The following CSRP3 variants were observed in gnomAD, a reference collection of about 807,000 sequenced individuals.
The protein encoded by CSRP3 is cysteine and glycine rich protein 3.
CSRP3 carries 24 observed loss-of-function variants against 24.3 expected under a neutral mutation model. The ratio of observed to expected loss-of-function variants is 0.99; its 90% CI spans 0.71 to 1.39. CSRP3 has a LOEUF of 1.39. Among genes scored for constraint, CSRP3 ranks in the 40% most tolerant of loss-of-function variants. The pLI is 0.00. For missense variants in CSRP3, 240 were observed against 249.0 expected, an observed-to-expected ratio of 0.96 and a Z score of 0.24; for synonymous variants, 105 against 94.0, an observed-to-expected ratio of 1.12 and a Z score of -0.68.
chr11:19,188,321 G>A lies in CSRP3; in HGVS notation c.113-17C>T, dbSNP rs1188178778. On this transcript the variant is annotated splice_polypyrimidine_tract_variant and intron_variant, in intron 2 of 5. Coordinates refer to ENST00000265968, the MANE Select transcript of CSRP3 (RefSeq NM_003476.5). ...TGCAGGCCACTGCCAGGAAAAGGAA[G>A]GGTCATGGGATTGGAATTGAAATCC... 3.1e-6 allele frequency: 5 copies of A among 1,611,586 alleles called. No homozygotes were observed. Among genetic ancestry groups the A allele is most frequent in the South Asian group, 1.1e-5 (1 of 91,000 alleles).
intron 4 of CSRP3, among the ~76,000 whole-genome samples, chr11:19,185,966 G>C (rs1850518423): frequency 1.3e-5 from 2 of 152,120 alleles, no homozygotes; most frequent in South Asian, 4.1e-4. Context: ...AGAACTTTCA[G>C]CTGGGTGCCT....
At chr11:19,185,542 G>A (rs1272589617) in intron 4 of CSRP3, among the ~76,000 whole-genome samples, 1 of 152,226 alleles carries the variant, frequency 6.6e-6, no homozygotes, top group Non-Finnish European at 1.5e-5. Context: ...ACATCTGCGT[G>A]TCTACCAGGT....
intron 3 of CSRP3, among the ~76,000 whole-genome samples, chr11:19,187,204 A>G (rs1850540812): frequency 6.6e-6 from 1 of 152,262 alleles, no homozygotes; most frequent in African/African-American, 2.4e-5. Flanking sequence ...AAGAGTCTCC[A>G]TTTGAGATTG....
At chr11:19,199,591 T>C (rs1207723271) in intron 1 of CSRP3, among the ~76,000 whole-genome samples, 1 of 152,252 alleles carries the variant, frequency 6.6e-6, no homozygotes, top group Non-Finnish European at 1.5e-5. Context: ...AGCCATGTGA[T>C]GCTGGGCAAT....
At chr11:19,199,508 A>G (rs2133527750) in intron 1 of CSRP3, among the ~76,000 whole-genome samples, 1 of 152,248 alleles carries the variant, frequency 6.6e-6, no homozygotes, top group African/African-American at 2.4e-5. Flanking sequence ...TCTTTGTTCT[A>G]TTTTGACCTC....
chr11:19,196,132 A>G (rs1230326109), intron 1 of CSRP3, among the ~76,000 whole-genome samples: 1 of 152,134 alleles, frequency 6.6e-6, no homozygotes, highest in African/African-American at 2.4e-5. Context: ...GCGTGGTGGC[A>G]TGCACCTGTA....
rs1850562691 is a variant in CSRP3, at chr11:19,188,306, T to C, written c.113-2A>G. On this transcript the variant is annotated splice_acceptor_variant, in intron 2 of 5. Coordinates refer to ENST00000265968, the MANE Select transcript of CSRP3 (RefSeq NM_003476.5). LOFTEE classifies it high-confidence loss of function. ...TGTCAAGAGCCTTCCTGCAGGCCAC[T>C]GCCAGGAAAAGGAAGGGTCATGGGA... is the stretch of plus-strand genomic sequence containing the variant. 3 of 1,612,206 alleles carry C rather than the reference T, an allele frequency of 1.9e-6. No individual in the cohort carries two copies. Among genetic ancestry groups the C allele is most frequent in the Non-Finnish European group, 2.5e-6 (3 of 1,180,008 alleles).
In CSRP3 at chr11:19,182,255, T is replaced by C. The variant is rs180844111; in HGVS notation, c.*415A>G. On this transcript the variant is annotated 3_prime_UTR_variant, in exon 6 of 6. Coordinates refer to ENST00000265968, the MANE Select transcript of CSRP3 (RefSeq NM_003476.5). Reference sequence around the variant, plus strand: ...ACTAGAAAGACACTTGGCTGACAGATTCTGAAAGACTGCTTTCCTTTGCGC... The same window carrying C: ...ACTAGAAAGACACTTGGCTGACAGACTCTGAAAGACTGCTTTCCTTTGCGC... 4.0e-4 allele frequency: 71 copies of C among 179,372 alleles called. 1 individual carries two copies. Among genetic ancestry groups the C allele is most frequent in the Admixed American group, 3.7e-3 (67 of 18,354 alleles). The allele number at this position is 179,372 out of a possible 1,614,324, so 11.1% of individuals were successfully genotyped here.
At chr11:19,185,137 G>T in intron 4 of CSRP3, 92 bp from the exon 5 acceptor site, 1 of 948,040 alleles carries the variant, frequency 1.1e-6, no homozygotes, top group Non-Finnish European at 1.7e-6. Context: ...CCAGAGGAGT[G>T]ACACGTCTTA....
intron 2 of CSRP3, among the ~76,000 whole-genome samples, chr11:19,188,613 A>AGTGT (rs138192808): frequency 0.1 from 14,653 of 140,750 alleles, 655 homozygotes; most frequent in African/African-American, 0.13. Context: ...ACATCAGGGA[A>AGTGT]GTGTGTGTGT....
intron 1 of CSRP3, among the ~76,000 whole-genome samples, chr11:19,197,709 C>T (rs941133726): frequency 2.0e-5 from 3 of 151,670 alleles, no homozygotes; most frequent in African/African-American, 7.3e-5. Context: ...TGCCACAATG[C>T]CACCGTTTTC....
At chr11:19,195,222 A>T (rs1042102812) in intron 1 of CSRP3, among the ~76,000 whole-genome samples, 1 of 152,044 alleles carries the variant, frequency 6.6e-6, no homozygotes, top group Non-Finnish European at 1.5e-5. Flanking sequence ...GTAGAGGCCT[A>T]AATAGCCTCT....
At position 19,188,225 on chromosome 11, in the gene CSRP3, G is replaced by T; in HGVS notation, c.192C>A (p.Arg64=). 1 of 1,613,592 alleles carries T rather than the reference G, an allele frequency of 6.2e-7. No homozygotes were observed. The highest frequency in any genetic ancestry group is 8.5e-7 in the Non-Finnish European group (1 of 1,180,030). ...ACCCGATCCCTTTGGGGCCATATCTGCGCCCATAGCACACCTTGCAGTAGA... is the reference window on the plus strand; with the variant it reads ...ACCCGATCCCTTTGGGGCCATATCTTCGCCCATAGCACACCTTGCAGTAGA... The part of the protein sequence containing the change: ...SEIYCKVCYG[R]RYGPKGIGYG... Residue 64 remains arginine, a synonymous_variant, in exon 3 of 6, where the codon CGC becomes CGA. Transcript: ENST00000265968.
chr11:19,201,614 T>C (rs1191393776), intron 1 of CSRP3, among the ~76,000 whole-genome samples: 3 of 152,238 alleles, frequency 2.0e-5, no homozygotes, highest in Admixed American at 6.5e-5. Flanking sequence ...CAGCAGACTT[T>C]CCATTATTTC....
intron 1 of CSRP3, chr11:19,196,721 C>T (rs1850713146): frequency 1.3e-5 from 2 of 152,304 alleles, no homozygotes; most frequent in South Asian, 4.1e-4. Context: ...CTGTTTGTAA[C>T]CTGGGTCACA....
chr11:19,184,935 T>A lies in CSRP3; in HGVS notation c.508+17A>T, dbSNP rs373822409. On this transcript the variant is annotated intron_variant, in intron 5 of 5. Transcript: ENST00000265968. Reference sequence around the variant, plus strand: ...TTAGGGAAAACATATTTCAAGAAAGTCTCCAGAATCACTCACCTTTGCAAT... The same window carrying A: ...TTAGGGAAAACATATTTCAAGAAAGACTCCAGAATCACTCACCTTTGCAAT... 7 of 1,580,164 alleles carry A rather than the reference T, an allele frequency of 4.4e-6. No individual in the cohort carries two copies. The highest frequency in any genetic ancestry group is 6.1e-6 in the Non-Finnish European group (7 of 1,148,846).
At chr11:19,184,346 TCTA>T (rs1850489277) in intron 5 of CSRP3, among the ~76,000 whole-genome samples, 1 of 152,168 alleles carries the variant, frequency 6.6e-6, no homozygotes, top group South Asian at 2.1e-4. Flanking sequence ...GAGCTAAGCC[TCTA>T]CTATTTCTCC....
At chr11:19,184,876 G>A in intron 5 of CSRP3, 76 bp downstream of exon 5, 1 of 1,108,292 alleles carries the variant, frequency 9.0e-7, no homozygotes, top group Non-Finnish European at 1.4e-6. Context: ...AAGACCTCCA[G>A]GCATGAACGT....
chr11:19,190,320 C>T (rs1378341542), intron 2 of CSRP3, among the ~76,000 whole-genome samples: 3 of 152,222 alleles, frequency 2.0e-5, no homozygotes, highest in South Asian at 2.1e-4. Context: ...ACTGTGCTGT[C>T]CAGTGCTGTG....
Sources: gnomAD v4.1 joint callset for allele counts (sites outside exome capture counted in the v4.1 genomes callset) on GRCh38, gnomAD v4.1.1 for gene constraint, MANE v1.5 for transcripts, NCBI Gene and HGNC (gene_info 2026-07-23, HGNC 2026-07-21) for gene names.